The following AK3 variants were observed in gnomAD, a reference collection of about 807,000 sequenced individuals.
AK3 encodes GTP:AMP phosphotransferase AK3, mitochondrial.
Under a neutral mutation model 23.7 loss-of-function variants are expected in AK3, and 27 were observed. The observed-to-expected ratio is 1.14, with a 90% CI of 0.84 to 1.57. The LOEUF (loss-of-function observed/expected upper bound fraction) is 1.57. Among genes scored for constraint, AK3 ranks in the 40% most tolerant of loss-of-function variants. The pLI, the probability that AK3 is intolerant of heterozygous loss-of-function variation, is 0.00. For synonymous variants in AK3, 159 were observed against 116.0 expected, an observed-to-expected ratio of 1.37 and a Z score of -2.38; for missense variants, 406 against 285.6, an observed-to-expected ratio of 1.42 and a Z score of -3.04.
In AK3 at chr9:4,740,076, AAG is replaced by A. The variant is rs1554628914; in HGVS notation, c.151+859_151+860del. On this transcript the variant is annotated intron_variant, in intron 1 of 4. Coordinates refer to ENST00000381809, the MANE Select transcript of AK3 (RefSeq NM_016282.4). ...CTATCCTTACAAAAAAAAAAAAAAA[AAG>A]AAGGAAAACAAAAGAAAAAGGCCTT... Among the ~76,000 whole-genome samples, 27 of 140,598 alleles carry A rather than the reference AAG, an allele frequency of 1.9e-4. 2 individuals are homozygous for A. The highest frequency in any genetic ancestry group is 6.6e-4 in the African/African-American group (22 of 33,380). 92.2% of individuals were successfully genotyped at this position (140,598 alleles called of 152,430 possible). A position where few individuals can be genotyped will look rare whatever the true frequency, so the allele number is the denominator to read the frequency against.
upstream of AK3, chr9:4,741,272 T>C (rs531622568): frequency 4.6e-5 from 25 of 543,500 alleles, no homozygotes; most frequent in African/African-American, 5.0e-4. Context: ...GGGACCCCGC[T>C]GTTGCGTCCG....
chr9:4,720,008 A>C (rs1267495971), intron 2 of AK3, among the ~76,000 whole-genome samples: 2 of 152,094 alleles, frequency 1.3e-5, no homozygotes, highest in Non-Finnish European at 2.9e-5. Context: ...GGTTGTAGTG[A>C]ACCAAAATTC....
chr9:4,741,221 C>T, upstream of AK3: 1 of 1,055,202 alleles, frequency 9.5e-7, no homozygotes, highest in Non-Finnish European at 1.2e-6. Context: ...CCGGCGTTCC[C>T]GGAAGTGAGC....
intron 2 of AK3, among the ~76,000 whole-genome samples, chr9:4,721,837 T>C (rs1841905387): frequency 6.6e-6 from 1 of 152,248 alleles, no homozygotes; most frequent in Non-Finnish European, 1.5e-5. Flanking sequence ...ACTACTTGTC[T>C]TCTACTAGAA....
At position 4,727,049 on chromosome 9, in the gene AK3, G is replaced by C. The variant is rs373619476; in HGVS notation, c.152-4424C>G. 8.7e-4 allele frequency among the ~76,000 whole-genome samples: 132 copies of C among 152,134 alleles called. 1 individual carries two copies. In the Middle Eastern group the frequency reaches 0.014, roughly 16 times the overall value. ...CTCTCAACAATAGTTCTCAACAGTG[G>C]GCTTCAAATAGTCAGTAAACCATGC... On this transcript the variant is annotated intron_variant, in intron 1 of 4. Coordinates refer to ENST00000381809, the MANE Select transcript of AK3 (RefSeq NM_016282.4).
chr9:4,732,362 G>T (rs977749625), intron 1 of AK3, among the ~76,000 whole-genome samples: 1 of 152,108 alleles, frequency 6.6e-6, no homozygotes, highest in African/African-American at 2.4e-5. Flanking sequence ...TATTGGTAAG[G>T]CTCCTGGTCA....
chr9:4,717,907 C>A (rs1487506430), intron 4 of AK3, among the ~76,000 whole-genome samples: 1 of 152,200 alleles, frequency 6.6e-6, no homozygotes, highest in African/African-American at 2.4e-5. Context: ...ATGGATGAGA[C>A]TGTCGCACTG....
At chr9:4,734,752 T>A (rs927084330) in intron 1 of AK3, among the ~76,000 whole-genome samples, 76 of 152,134 alleles carry the variant, frequency 5.0e-4, no homozygotes, top group African/African-American at 1.8e-3. Flanking sequence ...ACAACCCAAA[T>A]GTTCACCAAC....
intron 1 of AK3, among the ~76,000 whole-genome samples, chr9:4,734,206 T>G (rs970040298): frequency 1.3e-5 from 2 of 152,156 alleles, no homozygotes; most frequent in Non-Finnish European, 2.9e-5. Context: ...GGAAAGGCCA[T>G]GTGAGAACAA....
At chr9:4,725,522 A>G (rs1032018982) in intron 1 of AK3, among the ~76,000 whole-genome samples, 1 of 151,760 alleles carries the variant, frequency 6.6e-6, no homozygotes, top group African/African-American at 2.4e-5. Context: ...TAATCCCAGC[A>G]CTTTGGGAGG....
At chr9:4,732,700 T>C (rs1264859383) in intron 1 of AK3, among the ~76,000 whole-genome samples, 1 of 152,188 alleles carries the variant, frequency 6.6e-6, no homozygotes, top group African/African-American at 2.4e-5. Flanking sequence ...TAAATGTTTA[T>C]ATTACATAAA....
chr9:4,720,939 C>A (rs1484936471), intron 2 of AK3, among the ~76,000 whole-genome samples: 1 of 152,148 alleles, frequency 6.6e-6, no homozygotes, highest in Non-Finnish European at 1.5e-5. Context: ...CTTGTTCCTG[C>A]TGCCAAAGAT....
intron 1 of AK3, among the ~76,000 whole-genome samples, chr9:4,737,304 C>T (rs1261672207): frequency 6.6e-6 from 1 of 152,060 alleles, no homozygotes. Flanking sequence ...TGAATCTCAT[C>T]GTCTAATTCA....
At chr9:4,733,920 C>G (rs1306283165) in intron 1 of AK3, among the ~76,000 whole-genome samples, 2 of 152,212 alleles carry the variant, frequency 1.3e-5, no homozygotes, top group Non-Finnish European at 2.9e-5. Context: ...TCCTAGGGAA[C>G]TGGAAGCTCC....
intron 3 of AK3, 37 bp downstream of exon 3, chr9:4,719,098 C>T (rs1161009370): frequency 9.9e-6 from 16 of 1,608,910 alleles, no homozygotes; most frequent in Admixed American, 8.3e-5. Flanking sequence ...GACTCAGGGA[C>T]AGTCTGCTAT....
At chr9:4,732,147 T>C (rs1256597213) in intron 1 of AK3, among the ~76,000 whole-genome samples, 3 of 152,116 alleles carry the variant, frequency 2.0e-5, no homozygotes, top group Non-Finnish European at 2.9e-5. Context: ...AGAGGGAGTC[T>C]TGCTTTGCCC....
Position 4,713,109 on chromosome 9 carries a change from C to T in AK3, c.564-13G>A. 3 of 1,612,124 alleles carry T rather than the reference C, an allele frequency of 1.9e-6. No individual in the cohort carries two copies. Among genetic ancestry groups the T allele is most frequent in the Non-Finnish European group, 2.5e-6 (3 of 1,179,092 alleles). On this transcript the variant is annotated splice_polypyrimidine_tract_variant and intron_variant, in intron 4 of 4. Coordinates refer to ENST00000381809, the MANE Select transcript of AK3 (RefSeq NM_016282.4). Reference sequence around the variant, plus strand: ...CACCCCTTTTTTCCTAAAGATGAAACAAAAACAAAACAAACACACACAGGT... The same window carrying T: ...CACCCCTTTTTTCCTAAAGATGAAATAAAAACAAAACAAACACACACAGGT...
At chr9:4,741,332 C>T, upstream of AK3, 1 of 354,746 alleles carries the variant, frequency 2.8e-6, no homozygotes, top group Non-Finnish European at 4.9e-6. Flanking sequence ...GCGCCTGTTC[C>T]CGCCCAGCCG....
chr9:4,731,961 T>C (rs1368892318), intron 1 of AK3, among the ~76,000 whole-genome samples: 1 of 152,212 alleles, frequency 6.6e-6, no homozygotes, highest in East Asian at 1.9e-4. Context: ...TATGATTTTC[T>C]TTTTTAGAGA....
Sources: allele counts gnomAD v4.1 joint callset (sites outside exome capture counted in the v4.1 genomes callset), GRCh38; gene constraint gnomAD v4.1.1; transcripts MANE v1.5; gene names NCBI Gene and HGNC (gene_info 2026-07-23, HGNC 2026-07-21).